The following LSM14A variants were observed in gnomAD, a reference collection of about 807,000 sequenced individuals.
LSM14A encodes LSM14A mRNA processing body assembly factor.
LSM14A carries 14 observed loss-of-function variants against 52.4 expected under a neutral mutation model. The observed-to-expected ratio is 0.27, with a 90% confidence interval of 0.18 to 0.42. The LOEUF is 0.42. LSM14A is among the 10% of genes least tolerant of loss of function. The probability of loss-of-function intolerance (pLI) is 1.00; values close to 1 mark genes in which losing one functional copy is unlikely to be tolerated. For synonymous variants in LSM14A, 185 were observed against 200.3 expected, an observed-to-expected ratio of 0.92 and a Z score of 0.64; for missense variants, 417 against 581.8, an observed-to-expected ratio of 0.72 and a Z score of 2.91.
chr19:34,183,349 G>A (rs377461176), intron 1 of LSM14A, among the ~76,000 whole-genome samples: 3 of 152,012 alleles, frequency 2.0e-5, no homozygotes, highest in East Asian at 1.9e-4. Flanking sequence ...TCAGGAGTTC[G>A]AGATCAGCCT....
intron 4 of LSM14A, among the ~76,000 whole-genome samples, chr19:34,209,469 C>T (rs958146023): frequency 2.6e-5 from 4 of 152,208 alleles, no homozygotes; most frequent in African/African-American, 7.2e-5. Flanking sequence ...TAGTGGTTCT[C>T]AGTGTAGGCT....
In LSM14A at chr19:34,172,625, A is replaced by C; in HGVS notation, c.-18A>C. ...ATCTGCCTCTCTGCGAGCAGCTGGG[A>C]GCGGCGGCGGCGGCGCCATGAGCGG... is the stretch of plus-strand genomic sequence containing the variant. On this transcript the variant is annotated 5_prime_UTR_variant, in exon 1 of 10. Coordinates refer to ENST00000544216, the MANE Select transcript of LSM14A (RefSeq NM_015578.4). 6 of 1,550,948 alleles carry C rather than the reference A, an allele frequency of 3.9e-6. No individual in the cohort carries two copies. The highest frequency in any genetic ancestry group is 5.2e-6 in the Non-Finnish European group (6 of 1,151,050).
At chr19:34,222,458 ATCTC>A (rs2145890553) in intron 9 of LSM14A, among the ~76,000 whole-genome samples, 1 of 152,382 alleles carries the variant, frequency 6.6e-6, no homozygotes, top group Non-Finnish European at 1.5e-5. Context: ...CATAGTAACT[ATCTC>A]AGTTAACAGT....
intron 1 of LSM14A, among the ~76,000 whole-genome samples, 188 bp downstream of exon 1, chr19:34,172,951 G>A (rs1186516036): frequency 2.0e-5 from 3 of 152,158 alleles, no homozygotes; most frequent in Admixed American, 6.5e-5. Context: ...CCTGGTTTCC[G>A]CCCCCCGGAA....
At chr19:34,215,720 A>G in intron 6 of LSM14A, 59 bp downstream of exon 6, 1 of 1,166,254 alleles carries the variant, frequency 8.6e-7, no homozygotes, top group Non-Finnish European at 1.3e-6. Flanking sequence ...AATATTTTAA[A>G]TATATGATAC....
At chr19:34,205,718 G>GA (rs904865069) in intron 3 of LSM14A, among the ~76,000 whole-genome samples, 14 of 150,836 alleles carry the variant, frequency 9.3e-5, no homozygotes, top group East Asian at 3.9e-4. Context: ...GGACAGCTAG[G>GA]AAAAAAAATG....
intron 8 of LSM14A, among the ~76,000 whole-genome samples, chr19:34,220,296 T>A (rs1368477728): frequency 6.6e-6 from 1 of 152,190 alleles, no homozygotes; most frequent in Non-Finnish European, 1.5e-5. Context: ...TAAAAGAAAA[T>A]ATATACTAAA....
chr19:34,225,967 C>T (rs2073315805), intron 9 of LSM14A, among the ~76,000 whole-genome samples: 1 of 151,656 alleles, frequency 6.6e-6, no homozygotes, highest in Non-Finnish European at 1.5e-5. Flanking sequence ...GAGGCTAAGG[C>T]AGGAGGATCA....
At chr19:34,184,014 A>G (rs967495553) in intron 1 of LSM14A, among the ~76,000 whole-genome samples, 3 of 150,348 alleles carry the variant, frequency 2.0e-5, no homozygotes, top group African/African-American at 7.4e-5. Flanking sequence ...CCCCAGTCCT[A>G]GGCAACCTCT....
chr19:34,172,938 C>T (rs2068807429), intron 1 of LSM14A, among the ~76,000 whole-genome samples, 175 bp downstream of exon 1: 1 of 152,180 alleles, frequency 6.6e-6, no homozygotes. Flanking sequence ...CTCCCCGCGG[C>T]TCCCTGGTTT....
chr19:34,212,732 C>T (rs1347123541), intron 4 of LSM14A, among the ~76,000 whole-genome samples: 1 of 152,144 alleles, frequency 6.6e-6, no homozygotes, highest in Non-Finnish European at 1.5e-5. Context: ...ATCACAGTAT[C>T]ACCTGTATTT....
At chr19:34,214,075 G>C (rs967160388) in intron 4 of LSM14A, among the ~76,000 whole-genome samples, 1 of 152,054 alleles carries the variant, frequency 6.6e-6, no homozygotes, top group East Asian at 1.9e-4. Flanking sequence ...GAGCAACCGC[G>C]CCCAGCCAAA....
At chr19:34,191,042 A>G (rs1469785746) in intron 1 of LSM14A, among the ~76,000 whole-genome samples, 1 of 152,004 alleles carries the variant, frequency 6.6e-6, no homozygotes, top group African/African-American at 2.4e-5. Context: ...CTTCATAACT[A>G]TCATCTTCTC....
chr19:34,191,089 A>G (rs2145606150), intron 1 of LSM14A, among the ~76,000 whole-genome samples: 1 of 152,052 alleles, frequency 6.6e-6, no homozygotes, highest in East Asian at 1.9e-4. Context: ...TTTTCATGAC[A>G]TCTTGTTTAC....
chr19:34,216,184 C>T (rs1346261010), intron 6 of LSM14A, among the ~76,000 whole-genome samples: 4 of 152,040 alleles, frequency 2.6e-5, no homozygotes, highest in Middle Eastern at 3.2e-3. Context: ...GAGGCCGGGG[C>T]GGGCGGATCA....
chr19:34,192,316 G>GTTTTTTTTTTTTTTTTTTTTTTTTTT lies in LSM14A; in HGVS notation c.122-2160_122-2159insTTTTTTTTTTTTTTTTTTTTTTTTTT, dbSNP rs1306000214. On this transcript the variant is annotated intron_variant, in intron 1 of 9. Transcript: ENST00000544216. The stretch of plus-strand genomic sequence containing the variant: ...TTTACACTGAAATAACATTCTTTTT[G>GTTTTTTTTTTTTTTTTTTTTTTTTTT]TTGTTTTTTTTTTTTTTTTTTTTTT... 4.7e-4 allele frequency among the ~76,000 whole-genome samples: 31 copies of GTTTTTTTTTTTTTTTTTTTTTTTTTT among 65,780 alleles called. 5 individuals are homozygous for GTTTTTTTTTTTTTTTTTTTTTTTTTT. The highest frequency in any genetic ancestry group is 8.1e-4 in the Non-Finnish European group (28 of 34,552). 43.2% of individuals were successfully genotyped at this position (65,780 alleles called of 152,430 possible).
intron 4 of LSM14A, among the ~76,000 whole-genome samples, chr19:34,212,673 A>G (rs1435412085): frequency 3.3e-5 from 5 of 152,202 alleles, no homozygotes; most frequent in Admixed American, 1.3e-4. Context: ...GAGTGTGTCT[A>G]TAATATGCAG....
At chr19:34,204,379 G>C (rs2145735236) in intron 3 of LSM14A, among the ~76,000 whole-genome samples, 2 of 152,192 alleles carry the variant, frequency 1.3e-5, no homozygotes, top group African/African-American at 4.8e-5. Flanking sequence ...AATCACTAAT[G>C]GATCAGAGGA....
chr19:34,224,357 T>C lies in LSM14A; in HGVS notation c.1368+2619T>C, dbSNP rs371060308. Among the ~76,000 whole-genome samples, 14 of 152,306 alleles carry C rather than the reference T, an allele frequency of 9.2e-5. No homozygotes were observed. The East Asian group carries it at 1.9e-3, about 21-fold the overall frequency. ...AAAAAAGGAAAAAACAAACCTTCCA[T>C]GCAGTAACTGTGTGTGCTCCATGTG... On this transcript the variant is annotated intron_variant, in intron 9 of 9. Coordinates refer to ENST00000544216, the MANE Select transcript of LSM14A (RefSeq NM_015578.4).
Sources: gnomAD v4.1 joint callset for allele counts (sites outside exome capture counted in the v4.1 genomes callset) on GRCh38, gnomAD v4.1.1 for gene constraint, MANE v1.5 for transcripts, NCBI Gene and HGNC (gene_info 2026-07-23, HGNC 2026-07-21) for gene names.